The following KCNK10 variants were observed in gnomAD, a reference collection of about 807,000 sequenced individuals.
The protein encoded by KCNK10 is potassium channel subfamily K member 10.
Under a neutral mutation model 47.7 loss-of-function variants are expected in KCNK10, and 25 were observed. That is an observed-to-expected ratio of 0.52 (90% CI 0.38 to 0.73). KCNK10 has a LOEUF of 0.73. Among genes scored for constraint, KCNK10 ranks in the 30% least tolerant of loss-of-function variants. KCNK10 has a pLI of 0.00. For missense variants in KCNK10, 563 were observed against 714.5 expected (o/e 0.79, Z 2.42); for synonymous variants, 303 against 285.6 (o/e 1.06, Z -0.61).
At chr14:88,309,519 T>A (rs985679919) in intron 1 of KCNK10, among the ~76,000 whole-genome samples, 6 of 152,176 alleles carry the variant, frequency 3.9e-5, no homozygotes, top group African/African-American at 1.4e-4. Context: ...GGAGGATTGA[T>A]TGAGCCCAGG....
chr14:88,317,800 C>T (rs560165379), intron 1 of KCNK10, among the ~76,000 whole-genome samples: 3 of 152,236 alleles, frequency 2.0e-5, no homozygotes, highest in Admixed American at 1.3e-4. Flanking sequence ...CTGAAAGGTG[C>T]TATGCACATA....
chr14:88,321,917 C>T (rs2139809339), intron 1 of KCNK10, among the ~76,000 whole-genome samples: 1 of 152,324 alleles, frequency 6.6e-6, no homozygotes, highest in South Asian at 2.1e-4. Flanking sequence ...TTGTTCTGCT[C>T]TCATACTGAT....
intron 1 of KCNK10, among the ~76,000 whole-genome samples, chr14:88,303,219 A>T (rs1888139170): frequency 2.0e-5 from 3 of 152,240 alleles, no homozygotes; most frequent in African/African-American, 7.2e-5. Context: ...ACCCAAGCCA[A>T]GCCTGGAACA....
At chr14:88,217,719 T>G (rs906203563) in intron 4 of KCNK10, among the ~76,000 whole-genome samples, 1 of 133,488 alleles carries the variant, frequency 7.5e-6, no homozygotes, top group African/African-American at 3.2e-5. Flanking sequence ...CTCACCCAAG[T>G]AATTTGAATC....
chr14:88,242,991 C>T (rs532838405), intron 2 of KCNK10, among the ~76,000 whole-genome samples: 1 of 152,274 alleles, frequency 6.6e-6, no homozygotes, highest in East Asian at 1.9e-4. Context: ...GAATTGCACA[C>T]AAATGTCATA....
Position 88,322,870 on chromosome 14 carries a change from C to T in KCNK10, c.-72G>A, listed in dbSNP as rs1888577958. The T allele has an allele frequency of 1.2e-6, 2 of 1,610,498 alleles. No individual in the cohort carries two copies. Among genetic ancestry groups the T allele is most frequent in the South Asian group, 1.1e-5 (1 of 90,666 alleles). On this transcript the variant is annotated 5_prime_UTR_variant, in exon 1 of 7. Transcript: ENST00000319231. This position sits in a 1 kb window ranked among gnomAD's most constrained non-coding sequence, Gnocchi z 4.8. Reference sequence around the variant, plus strand: ...AATAAAGTCCTCAAGCTTTACACGCCTCGGTTTAGCAGTCCAACAAAACAA... The same window carrying T: ...AATAAAGTCCTCAAGCTTTACACGCTTCGGTTTAGCAGTCCAACAAAACAA...
chr14:88,267,870 G>T (rs1887304919), intron 1 of KCNK10, among the ~76,000 whole-genome samples: 2 of 152,100 alleles, frequency 1.3e-5, no homozygotes, highest in Non-Finnish European at 1.5e-5. Context: ...GGTGACAGGA[G>T]CCCTGATGGC....
At chr14:88,323,301 T>G, upstream of KCNK10, 7 of 984,998 alleles carry the variant, frequency 7.1e-6, no homozygotes, top group Non-Finnish European at 8.4e-6. Flanking sequence ...TCGGCCGCGC[T>G]GAGCGCACAC....
At chr14:88,299,197 T>C (rs1373745621) in intron 1 of KCNK10, among the ~76,000 whole-genome samples, 2 of 152,214 alleles carry the variant, frequency 1.3e-5, no homozygotes, top group Non-Finnish European at 2.9e-5. Flanking sequence ...AAAAGTGTCA[T>C]ATAGTATCTG....
Position 88,322,829 on chromosome 14 carries a change from A to T in KCNK10, c.-31T>A. ...CGTTGCCCAGAAGGGGAAGAAATGA[A>T]AAGAACCCAAATAATAATAAAGTCC... On this transcript the variant is annotated 5_prime_UTR_variant, in exon 1 of 7. Transcript: ENST00000319231. The surrounding 1 kb of genome is among the most constrained non-coding windows in gnomAD (Gnocchi z 4.8). 2.5e-6 allele frequency: 4 copies of T among 1,614,162 alleles called. No individual in the cohort carries two copies. The highest frequency in any genetic ancestry group is 3.4e-6 in the Non-Finnish European group (4 of 1,179,988).
chr14:88,262,784 C>T (rs1399097126), intron 2 of KCNK10, among the ~76,000 whole-genome samples: 2 of 152,206 alleles, frequency 1.3e-5, no homozygotes, highest in African/African-American at 4.8e-5. Flanking sequence ...CTCTTCTCTA[C>T]CTCATCCTCA....
chr14:88,255,996 C>T (rs1290824361), intron 2 of KCNK10, among the ~76,000 whole-genome samples: 1 of 152,218 alleles, frequency 6.6e-6, no homozygotes, highest in Non-Finnish European at 1.5e-5. Context: ...TTTATTATTA[C>T]ACCAGCTCTG....
intron 4 of KCNK10, among the ~76,000 whole-genome samples, chr14:88,197,219 T>C (rs1884942302): frequency 6.6e-6 from 1 of 152,182 alleles, no homozygotes; most frequent in Non-Finnish European, 1.5e-5. Flanking sequence ...GATGTTGGTA[T>C]ATATGGGTAA....
At chr14:88,219,128 C>T (rs1885715620) in intron 4 of KCNK10, among the ~76,000 whole-genome samples, 1 of 152,138 alleles carries the variant, frequency 6.6e-6, no homozygotes, top group Admixed American at 6.6e-5. Context: ...CTATGAGTCT[C>T]ACAATAGTAG....
In KCNK10 at chr14:88,180,835, T is replaced by G; in HGVS notation, c.*4700A>C. 2 of 398,748 alleles carry G rather than the reference T, an allele frequency of 5.0e-6. No individual in the cohort carries two copies. The highest frequency in any genetic ancestry group is 4.1e-5 in the African/African-American group (2 of 48,760). 24.7% of individuals were successfully genotyped at this position (398,748 alleles called of 1,614,324 possible). Reference sequence around the variant, plus strand: ...GAGGACAGGGCTTTGCTTACAGCCATGTAATTAGCATGCTGTTCCAAAGTT... The same window carrying G: ...GAGGACAGGGCTTTGCTTACAGCCAGGTAATTAGCATGCTGTTCCAAAGTT... On this transcript the variant is annotated 3_prime_UTR_variant, in exon 7 of 7. Transcript: ENST00000319231.
chr14:88,194,608 T>C (rs1237850020), intron 4 of KCNK10, among the ~76,000 whole-genome samples: 3 of 152,182 alleles, frequency 2.0e-5, no homozygotes, highest in African/African-American at 7.2e-5. Flanking sequence ...GAGACGTTCC[T>C]GGACTTCAGG....
chr14:88,200,658 T>C (rs1885073201), intron 4 of KCNK10, among the ~76,000 whole-genome samples: 1 of 152,220 alleles, frequency 6.6e-6, no homozygotes, highest in Non-Finnish European at 1.5e-5. Context: ...AAAATTCCTT[T>C]AGCATATTTT....
chr14:88,245,608 CTG>C (rs1392904857), intron 2 of KCNK10, among the ~76,000 whole-genome samples: 1 of 152,202 alleles, frequency 6.6e-6, no homozygotes, highest in African/African-American at 2.4e-5. Context: ...CACTAACTGT[CTG>C]TGGCTTTTCT....
intron 1 of KCNK10, among the ~76,000 whole-genome samples, chr14:88,292,849 C>G (rs1359478979): frequency 6.6e-6 from 1 of 152,104 alleles, no homozygotes; most frequent in Non-Finnish European, 1.5e-5. Context: ...GTCTCAAGCT[C>G]CTGGGCTCAA....
Sources: allele counts gnomAD v4.1 joint callset (sites outside exome capture counted in the v4.1 genomes callset), GRCh38; gene constraint gnomAD v4.1.1; non-coding constraint Gnocchi (gnomAD v3.1); transcripts MANE v1.5; gene names NCBI Gene and HGNC (gene_info 2026-07-23, HGNC 2026-07-21).